The following OR5K4 variants were observed in gnomAD, a reference collection of about 807,000 sequenced individuals.
The protein encoded by OR5K4 is olfactory receptor family 5 subfamily K member 4.
OR5K4 carries 16 observed loss-of-function variants against 11.8 expected under a neutral mutation model. That is an observed-to-expected ratio of 1.36 (90% CI 0.92 to 2.06). The LOEUF is 2.06. Ranked by LOEUF, OR5K4 falls within the 30% of genes most tolerant of loss-of-function variation. OR5K4 has a pLI of 0.00. For synonymous variants in OR5K4, 152 were observed against 135.1 expected, an observed-to-expected ratio of 1.12 and a Z score of -0.87; for missense variants, 442 against 386.9, an observed-to-expected ratio of 1.14 and a Z score of -1.19.
rs1477442226 is a variant in OR5K4, at chr3:98,353,875, T to A, written c.22T>A (p.Leu8Ile). ...AGGAATGGCTAGGGAAAATCACTCCTTAGCAGCTGAATTCATCCTCATAGG... is the reference window on the plus strand; with the variant it reads ...AGGAATGGCTAGGGAAAATCACTCCATAGCAGCTGAATTCATCCTCATAGG... MARENHS[L>I]AAEFILIGFT... is the part of the protein sequence containing the mutation. Residue 8 changes from leucine (L) to isoleucine (I), a missense_variant, in exon 1 of 1, where the codon TTA (leucine) becomes ATA (isoleucine). Physicochemically the swap from Leu to Ile is conservative, Grantham distance 5. Transcript: ENST00000354924. 1 of 1,610,660 alleles carries A rather than the reference T, an allele frequency of 6.2e-7. No individual in the cohort carries two copies. The highest frequency in any genetic ancestry group is 1.7e-5 in the Admixed American group (1 of 59,548).
rs751814650 is a variant in OR5K4 at position 98,354,183 on chromosome 3, A to C, written c.330A>C (p.Thr110=). The C allele has an allele frequency of 2.4e-5, 38 of 1,614,080 alleles. No individual in the cohort carries two copies. The highest frequency in any genetic ancestry group is 3.1e-5 in the Non-Finnish European group (36 of 1,180,052). The change falls in exon 1 of 1, where the codon ACA becomes ACC. Residue 110 remains threonine, a synonymous_variant. Transcript: ENST00000354924. ...QFYFLCLAET[T]DCFLLATMAY... is the part of the protein sequence containing the mutation. ...ATTTTCTCTGTCTTGCTGAAACCAC[A>C]GACTGCTTTCTTCTGGCGACAATGG...
In OR5K4 at chr3:98,354,009, G is replaced by A; in HGVS notation, c.156G>A (p.Glu52=). ...NLGLVALIYV[E]RRLLTPMYIF... Reference sequence around the variant, plus strand: ...GTCTGGTGGCATTAATTTATGTAGAGCGTCGTCTTCTCACACCAATGTACA... The same window carrying A: ...GTCTGGTGGCATTAATTTATGTAGAACGTCGTCTTCTCACACCAATGTACA... Residue 52 remains glutamate, a synonymous_variant, in exon 1 of 1, where the codon GAG becomes GAA. Transcript: ENST00000354924. 4.3e-6 allele frequency: 7 copies of A among 1,614,152 alleles called. No homozygotes were observed. Among genetic ancestry groups the A allele is most frequent in the Non-Finnish European group, 5.9e-6 (7 of 1,180,016 alleles).
Position 98,353,922 on chromosome 3 carries a change from G to A in OR5K4, c.69G>A (p.Leu23=). ...ILIGFTNYPE[L]KTLLFVVFSA... ...TAGGATTTACAAATTATCCAGAGCT[G>A]AAGACGCTTCTGTTTGTGGTGTTCT... Residue 23 remains leucine, a synonymous_variant, in exon 1 of 1, where the codon CTG becomes CTA. Coordinates refer to ENST00000354924, the MANE Select transcript of OR5K4 (RefSeq NM_001005517.1). 6.2e-7 allele frequency: 1 copy of A among 1,614,128 alleles called. No individual in the cohort carries two copies. The highest frequency in any genetic ancestry group is 8.5e-7 in the Non-Finnish European group (1 of 1,179,986).
rs777443311 is a variant in OR5K4, at chr3:98,354,695, T to A, written c.842T>A (p.Leu281Ter). 1.2e-6 allele frequency: 2 copies of A among 1,605,322 alleles called. No individual in the cohort carries two copies. The highest frequency in any genetic ancestry group is 1.7e-6 in the Non-Finnish European group (2 of 1,173,136). ...ATATTTTATGCAATAGTAATCCCAT[T>A]ACTAAACCCTTTTATTTATAGTCTG... ...VAIFYAIVIP[L>*]LNPFIYSLRN... The change falls in exon 1 of 1, where the codon TTA (leucine) becomes TAA (stop). Residue 281 changes from leucine to a stop codon, truncating the protein, a stop_gained. Transcript: ENST00000354924. LOFTEE classifies it high-confidence loss of function.
rs755708185 is a variant in OR5K4 at position 98,354,013 on chromosome 3, C to T, written c.160C>T (p.Arg54Cys). 6.2e-6 allele frequency: 10 copies of T among 1,614,162 alleles called. No homozygotes were observed. Among genetic ancestry groups the T allele is most frequent in the South Asian group, 4.4e-5 (4 of 91,080 alleles). The part of the protein sequence containing the change: ...GLVALIYVER[R>C]LLTPMYIFLG... Reference sequence around the variant, plus strand: ...GGTGGCATTAATTTATGTAGAGCGTCGTCTTCTCACACCAATGTACATCTT... The same window carrying T: ...GGTGGCATTAATTTATGTAGAGCGTTGTCTTCTCACACCAATGTACATCTT... The change falls in exon 1 of 1, where the codon CGT becomes TGT. Residue 54 changes from arginine to cysteine, a missense_variant. Arg to Cys is a radical substitution (Grantham distance 180). Transcript: ENST00000354924.
Position 98,354,075 on chromosome 3 carries a change from C to T in OR5K4, c.222C>T (p.Ser74=). ...TGGCTCTGATGGATTCCTGCTGTTC[C>T]TGTGCTGTTACCCCCAAGATGTTAG... is the stretch of plus-strand genomic sequence containing the variant. ...GNLALMDSCC[S]CAVTPKMLEN... is the part of the protein sequence containing the mutation. The change falls in exon 1 of 1, where the codon TCC becomes TCT. Residue 74 remains serine, a synonymous_variant. Transcript: ENST00000354924. 1 of 1,614,186 alleles carries T rather than the reference C, an allele frequency of 6.2e-7. No homozygotes were observed. The highest frequency in any genetic ancestry group is 8.5e-7 in the Non-Finnish European group (1 of 1,180,026).
Position 98,354,267 on chromosome 3 carries a change from G to C in OR5K4, c.414G>C (p.Lys138Asn), listed in dbSNP as rs1707032006. The change falls in exon 1 of 1, where the codon AAG (lysine) becomes AAC (asparagine). Residue 138 changes from lysine to asparagine, a missense_variant. Coordinates refer to ENST00000354924, the MANE Select transcript of OR5K4 (RefSeq NM_001005517.1). ...HPLQYHTMMS[K>N]TLCIRMTTGA... The stretch of plus-strand genomic sequence containing the variant: ...TGCAGTACCACACCATGATGTCCAA[G>C]ACGCTCTGCATTCGGATGACCACAG... The C allele has an allele frequency of 6.2e-7, 1 of 1,614,192 alleles. No individual in the cohort carries two copies. Among genetic ancestry groups the C allele is most frequent in the Non-Finnish European group, 8.5e-7 (1 of 1,180,044 alleles).
In OR5K4 at chr3:98,354,806, T is replaced by C; in HGVS notation, c.953T>C (p.Phe318Ser). The change falls in exon 1 of 1, where the codon TTT becomes TCT. Residue 318 changes from phenylalanine to serine, a missense_variant. Transcript: ENST00000354924. ...LKQTCSIANL[F>S]LIY ...CAAACTTGCTCTATAGCAAATTTAT[T>C]TTTAATTTATTAAAATGCTTTCATA... 8.3e-7 allele frequency: 1 copy of C among 1,211,132 alleles called. No homozygotes were observed. The highest frequency in any genetic ancestry group is 1.1e-6 in the Non-Finnish European group (1 of 872,638). 75.0% of individuals were successfully genotyped at this position (1,211,132 alleles called of 1,614,324 possible). A position where few individuals can be genotyped will look rare whatever the true frequency, so the allele number is the denominator to read the frequency against.
At position 98,354,347 on chromosome 3, in the gene OR5K4, G is replaced by T. The variant is rs1451906564; in HGVS notation, c.494G>T (p.Arg165Met). 8.1e-6 allele frequency: 13 copies of T among 1,614,100 alleles called. No individual in the cohort carries two copies. Among genetic ancestry groups the T allele is most frequent in the Non-Finnish European group, 1.0e-5 (12 of 1,180,004 alleles). The change falls in exon 1 of 1, where the codon AGG becomes ATG. Residue 165 changes from arginine (R) to methionine (M), a missense_variant. Physicochemically the swap from Arg to Met is moderately conservative, Grantham distance 91 (BLOSUM62 -1). Transcript: ENST00000354924. Reference protein sequence around the residue: ...HSMIHVGLLLRLTFCRSNKIH... With the variant: ...HSMIHVGLLLMLTFCRSNKIH... ...ATGATTCATGTAGGGCTTTTATTAA[G>T]GTTAACTTTCTGCAGGTCTAATAAA...
At position 98,353,927 on chromosome 3, in the gene OR5K4, C is replaced by T. The variant is rs148253533; in HGVS notation, c.74C>T (p.Thr25Met). Reference protein sequence around the residue: ...IGFTNYPELKTLLFVVFSAIY... With the variant: ...IGFTNYPELKMLLFVVFSAIY... ...TTTACAAATTATCCAGAGCTGAAGA[C>T]GCTTCTGTTTGTGGTGTTCTCTGCC... The change falls in exon 1 of 1, where the codon ACG (threonine) becomes ATG (methionine). Residue 25 changes from threonine (T) to methionine (M), a missense_variant. Physicochemically the swap from Thr to Met is moderately conservative, Grantham distance 81. Coordinates refer to ENST00000354924, the MANE Select transcript of OR5K4 (RefSeq NM_001005517.1). The T allele has an allele frequency of 1.6e-5, 26 of 1,614,064 alleles. No homozygotes were observed. The Admixed American group carries it at 1.7e-4, about 10-fold the overall frequency.
chr3:98,353,970 G>A lies in OR5K4; in HGVS notation c.117G>A (p.Met39Ile). ...VVFSAIYLVT[M>I]VGNLGLVALI... ...TCTCTGCCATCTATCTGGTCACCAT[G>A]GTGGGGAATCTTGGTCTGGTGGCAT... is the stretch of plus-strand genomic sequence containing the variant. Residue 39 changes from methionine to isoleucine, a missense_variant, in exon 1 of 1, where the codon ATG (methionine) becomes ATA (isoleucine). Coordinates refer to ENST00000354924, the MANE Select transcript of OR5K4 (RefSeq NM_001005517.1). 1 of 1,614,172 alleles carries A rather than the reference G, an allele frequency of 6.2e-7. No homozygotes were observed.
Position 98,354,769 on chromosome 3 carries a change from A to C in OR5K4, c.916A>C (p.Asn306His), listed in dbSNP as rs1707041256. 2 of 1,446,034 alleles carry C rather than the reference A, an allele frequency of 1.4e-6. No individual in the cohort carries two copies. The highest frequency in any genetic ancestry group is 4.6e-5 in the East Asian group (2 of 43,884). The allele number at this position is 1,446,034 out of a possible 1,614,324, so 89.6% of individuals were successfully genotyped here. A position where few individuals can be genotyped will look rare whatever the true frequency, so the allele number is the denominator to read the frequency against. Residue 306 changes from asparagine (N) to histidine (H), a missense_variant, in exon 1 of 1, where the codon AAC (asparagine) becomes CAC (histidine). Transcript: ENST00000354924. Reference protein sequence around the residue: ...NVLKKIMRNYNILKQTCSIAN... With the variant: ...NVLKKIMRNYHILKQTCSIAN... ...TCTTAAAAAAATTATGAGGAATTAT[A>C]ACATTCTTAAACAAACTTGCTCTAT... is the stretch of plus-strand genomic sequence containing the variant.
In OR5K4 at chr3:98,354,315, G is replaced by A. The variant is rs774770984; in HGVS notation, c.462G>A (p.Leu154=). ...CAGGGGCCTTCAAAGCTGGAAACCT[G>A]CATTCCATGATTCATGTAGGGCTTT... ...MTTGAFKAGN[L]HSMIHVGLLL... is the part of the protein sequence containing the mutation. The change falls in exon 1 of 1, where the codon CTG becomes CTA. Residue 154 remains leucine (L), a synonymous_variant. Coordinates refer to ENST00000354924, the MANE Select transcript of OR5K4 (RefSeq NM_001005517.1). 9 of 1,614,144 alleles carry A rather than the reference G, an allele frequency of 5.6e-6. No homozygotes were observed. The highest frequency in any genetic ancestry group is 7.6e-6 in the Non-Finnish European group (9 of 1,180,018).
Position 98,353,957 on chromosome 3 carries a change from A to G in OR5K4, c.104A>G (p.Tyr35Cys), listed in dbSNP as rs377586314. ...CTGTTTGTGGTGTTCTCTGCCATCT[A>G]TCTGGTCACCATGGTGGGGAATCTT... is the stretch of plus-strand genomic sequence containing the variant. ...TLLFVVFSAI[Y>C]LVTMVGNLGL... Residue 35 changes from tyrosine (Y) to cysteine (C), a missense_variant, in exon 1 of 1, where the codon TAT becomes TGT. By Grantham distance (194) the Tyr-to-Cys change is radical. Transcript: ENST00000354924. The G allele has an allele frequency of 1.1e-4, 172 of 1,614,018 alleles. No homozygotes were observed. Among genetic ancestry groups the G allele is most frequent in the Non-Finnish European group, 1.4e-4 (165 of 1,180,032 alleles).
In OR5K4 at chr3:98,354,556, G is replaced by C; in HGVS notation, c.703G>C (p.Gly235Arg). The change falls in exon 1 of 1, where the codon GGT (glycine) becomes CGT (arginine). Residue 235 changes from glycine to arginine, a missense_variant. Gly to Arg is a moderately radical substitution (Grantham distance 125, BLOSUM62 -2). Transcript: ENST00000354924. Reference protein sequence around the residue: ...VFKMKSKEGRGKAFSTCASHF... With the variant: ...VFKMKSKEGRRKAFSTCASHF... ...CAAAATGAAATCCAAGGAGGGAAGAGGTAAAGCATTTTCTACCTGTGCATC... is the reference window on the plus strand; with the variant it reads ...CAAAATGAAATCCAAGGAGGGAAGACGTAAAGCATTTTCTACCTGTGCATC... 12 of 1,613,948 alleles carry C rather than the reference G, an allele frequency of 7.4e-6. No homozygotes were observed. The highest frequency in any genetic ancestry group is 1.0e-5 in the Non-Finnish European group (12 of 1,179,926).
rs11288615 is a variant in OR5K4, at chr3:98,354,747, TA to T, written c.901del (p.Ile301LeufsTer2). 813,812 of 1,507,456 alleles carry T rather than the reference TA, an allele frequency of 0.54. 232,706 individuals are homozygous for T. Among genetic ancestry groups the T allele is most frequent in the Non-Finnish European group, 0.59 (658,056 of 1,106,234 alleles). The allele number at this position is 1,507,456 out of a possible 1,614,324, so 93.4% of individuals were successfully genotyped here. On this transcript the variant is annotated frameshift_variant, in exon 1 of 1. Transcript: ENST00000354924. LOFTEE classifies it high-confidence loss of function. ...LRNKEVINVL[K>X]KIMRNYNILK... ...GAAATAAGGAGGTCATAAATGTTCT[TA>T]AAAAAATTATGAGGAATTATAACAT...
rs1376404743 is a variant in OR5K4, at chr3:98,353,873, C to G, written c.20C>G (p.Ser7Cys). ...CCAGGAATGGCTAGGGAAAATCACTCCTTAGCAGCTGAATTCATCCTCATA... is the reference window on the plus strand; with the variant it reads ...CCAGGAATGGCTAGGGAAAATCACTGCTTAGCAGCTGAATTCATCCTCATA... MARENH[S>C]LAAEFILIGF... The change falls in exon 1 of 1, where the codon TCC becomes TGC. Residue 7 changes from serine to cysteine, a missense_variant. Coordinates refer to ENST00000354924, the MANE Select transcript of OR5K4 (RefSeq NM_001005517.1). 3 of 1,610,200 alleles carry G rather than the reference C, an allele frequency of 1.9e-6. No homozygotes were observed. The highest frequency in any genetic ancestry group is 2.5e-6 in the Non-Finnish European group (3 of 1,178,196).
rs763466783 is a variant in OR5K4, at chr3:98,354,238, C to G, written c.385C>G (p.Pro129Ala). ...AYDRYVAICH[P>A]LQYHTMMSKT... Reference sequence around the variant, plus strand: ...TGACCGCTATGTGGCCATATGCCACCCACTGCAGTACCACACCATGATGTC... The same window carrying G: ...TGACCGCTATGTGGCCATATGCCACGCACTGCAGTACCACACCATGATGTC... The change falls in exon 1 of 1, where the codon CCA (proline) becomes GCA (alanine). Residue 129 changes from proline (P) to alanine (A), a missense_variant. By Grantham distance (27) the Pro-to-Ala change is conservative (BLOSUM62 -1). Transcript: ENST00000354924. 4.3e-6 allele frequency: 7 copies of G among 1,614,198 alleles called. No individual in the cohort carries two copies. The South Asian group carries it at 7.7e-5, about 18-fold the overall frequency.
rs1167216858 is a variant in OR5K4 at position 98,354,348 on chromosome 3, G to T, written c.495G>T (p.Arg165Ser). The T allele has an allele frequency of 6.2e-7, 1 of 1,614,116 alleles. No homozygotes were observed. Among genetic ancestry groups the T allele is most frequent in the Admixed American group, 1.7e-5 (1 of 60,006 alleles). ...HSMIHVGLLL[R>S]LTFCRSNKIH... Reference sequence around the variant, plus strand: ...TGATTCATGTAGGGCTTTTATTAAGGTTAACTTTCTGCAGGTCTAATAAAA... The same window carrying T: ...TGATTCATGTAGGGCTTTTATTAAGTTTAACTTTCTGCAGGTCTAATAAAA... Residue 165 changes from arginine (R) to serine (S), a missense_variant, in exon 1 of 1, where the codon AGG becomes AGT. Physicochemically the swap from Arg to Ser is moderately radical, Grantham distance 110 (BLOSUM62 -1). Transcript: ENST00000354924.
Sources: gnomAD v4.1 joint callset for allele counts on GRCh38, gnomAD v4.1.1 for gene constraint, MANE v1.5 for transcripts, NCBI Gene and HGNC (gene_info 2026-07-23, HGNC 2026-07-21) for gene names.